Variants in CRTC3 observed in about 807,000 individuals in gnomAD.
CRTC3 encodes the protein CREB-regulated transcription coactivator 3.
In CRTC3, 26 loss-of-function variants were observed where a neutral mutation model predicts 74.5. That is an observed-to-expected ratio of 0.35 (90% CI 0.26 to 0.48). The LOEUF is 0.48. Among genes scored for constraint, CRTC3 ranks in the 20% least tolerant of loss-of-function variants. CRTC3 has a pLI of 0.99. For missense variants in CRTC3, 760 were observed against 787.3 expected (o/e 0.97, Z 0.41); for synonymous variants, 377 against 325.8 (o/e 1.16, Z -1.69).
intron 9 of CRTC3, among the ~76,000 whole-genome samples, chr15:90,620,810 C>T (rs1390919512): frequency 1.3e-5 from 2 of 152,198 alleles, no homozygotes; most frequent in Admixed American, 6.5e-5. Context: ...ATACAATCAC[C>T]AGTGGGTCAG....
intron 2 of CRTC3, among the ~76,000 whole-genome samples, chr15:90,556,958 C>CAA (rs1478638411): frequency 7.7e-6 from 1 of 130,556 alleles, no homozygotes; most frequent in Non-Finnish European, 1.6e-5. Flanking sequence ...CACCACATGG[C>CAA]TATATATATA....
intron 11 of CRTC3, among the ~76,000 whole-genome samples, chr15:90,631,917 T>TA (rs1453674190): frequency 6.6e-6 from 1 of 151,784 alleles, no homozygotes; most frequent in Non-Finnish European, 1.5e-5. Context: ...TATTTTTTTT[T>TA]AGAGACAGCG....
chr15:90,598,864 A>G (rs1267269420), intron 3 of CRTC3: 1 of 238,814 alleles, frequency 4.2e-6, no homozygotes. Context: ...GCTCTCTACC[A>G]GGAAGACGGG....
At chr15:90,612,889 G>A (rs118028041) in intron 6 of CRTC3, among the ~76,000 whole-genome samples, 251 of 152,154 alleles carry the variant, frequency 1.6e-3, no homozygotes, top group Non-Finnish European at 2.8e-3. Flanking sequence ...CTGCAATAGA[G>A]TCTCCTGAGA....
intron 2 of CRTC3, among the ~76,000 whole-genome samples, chr15:90,576,510 G>A (rs959043424): frequency 6.6e-6 from 1 of 152,026 alleles, no homozygotes; most frequent in African/African-American, 2.4e-5. Context: ...GGTCCAGTGG[G>A]CTGTTGAATG....
chr15:90,607,373 C>G lies in CRTC3; in HGVS notation c.477-5C>G. On this transcript the variant is annotated splice_polypyrimidine_tract_variant and splice_region_variant and intron_variant, in intron 5 of 14. Coordinates refer to ENST00000268184, the MANE Select transcript of CRTC3 (RefSeq NM_022769.5). Reference sequence around the variant, plus strand: ...TTCAGCCAGCCTCTCTCCTCCCCTCCTTAGGACCAATTCTGATTCTGCTCT... The same window carrying G: ...TTCAGCCAGCCTCTCTCCTCCCCTCGTTAGGACCAATTCTGATTCTGCTCT... 1 of 1,601,296 alleles carries G rather than the reference C, an allele frequency of 6.2e-7. No individual in the cohort carries two copies. The highest frequency in any genetic ancestry group is 8.5e-7 in the Non-Finnish European group (1 of 1,170,076).
intron 10 of CRTC3, among the ~76,000 whole-genome samples, chr15:90,627,322 T>C (rs12912853): frequency 6.6e-6 from 1 of 152,242 alleles, no homozygotes; most frequent in Non-Finnish European, 1.5e-5. Context: ...ATTTGCTTCA[T>C]AGGAGAAATT....
chr15:90,628,291 G>A (rs114980452), intron 10 of CRTC3, among the ~76,000 whole-genome samples: 2,325 of 152,036 alleles, frequency 0.015, 76 homozygotes, highest in African/African-American at 0.053. Flanking sequence ...CTTCCTTTTC[G>A]TAACTTTTAT....
At chr15:90,606,421 G>A (rs1464736727) in intron 5 of CRTC3, among the ~76,000 whole-genome samples, 8 of 152,122 alleles carry the variant, frequency 5.3e-5, no homozygotes, top group African/African-American at 1.9e-4. Context: ...AGTTAGCTGG[G>A]CATGGTGACG....
At chr15:90,617,836 T>A in intron 7 of CRTC3, 47 bp from the exon 8 acceptor site, 1 of 1,335,622 alleles carries the variant, frequency 7.5e-7, no homozygotes, top group Non-Finnish European at 1.1e-6. Context: ...CGGCCTGGAT[T>A]CCTGCCTTCT....
At chr15:90,563,917 A>G (rs1157537939) in intron 2 of CRTC3, among the ~76,000 whole-genome samples, 1 of 152,126 alleles carries the variant, frequency 6.6e-6, no homozygotes, top group Non-Finnish European at 1.5e-5. Flanking sequence ...AATTACTGCC[A>G]TTTATATTAG....
At chr15:90,558,886 G>A (rs1966953498) in intron 2 of CRTC3, among the ~76,000 whole-genome samples, 1 of 151,752 alleles carries the variant, frequency 6.6e-6, no homozygotes, top group South Asian at 2.1e-4. Flanking sequence ...TGAGTAGCTG[G>A]GACTACAGAC....
intron 11 of CRTC3, among the ~76,000 whole-genome samples, chr15:90,633,528 G>A (rs1040441192): frequency 6.6e-6 from 1 of 152,084 alleles, no homozygotes; most frequent in Non-Finnish European, 1.5e-5. Flanking sequence ...GAATCCCCCT[G>A]CTCCACCCCA....
intron 4 of CRTC3, among the ~76,000 whole-genome samples, chr15:90,603,370 G>A (rs1968134344): frequency 1.3e-5 from 2 of 151,638 alleles, no homozygotes; most frequent in Admixed American, 1.3e-4. Flanking sequence ...GTGAACCCAG[G>A]AGGCGGAGCT....
chr15:90,542,254 C>T (rs754168466), intron 2 of CRTC3, among the ~76,000 whole-genome samples: 1 of 150,966 alleles, frequency 6.6e-6, no homozygotes, highest in East Asian at 1.9e-4. Context: ...TCTCAGCTTA[C>T]TGCAACTTCC....
chr15:90,633,269 C>G (rs57128810), intron 11 of CRTC3, among the ~76,000 whole-genome samples: 1 of 152,158 alleles, frequency 6.6e-6, no homozygotes, highest in East Asian at 1.9e-4. Flanking sequence ...AATTCAGTCC[C>G]CAACTCTTGG....
intron 2 of CRTC3, among the ~76,000 whole-genome samples, chr15:90,578,065 G>A (rs889999833): frequency 5.9e-5 from 9 of 152,030 alleles, no homozygotes; most frequent in Middle Eastern, 3.2e-3. Context: ...ACAGGCGTGC[G>A]CCACCAGGTC....
At chr15:90,601,241 GC>G (rs1968060817) in intron 3 of CRTC3, among the ~76,000 whole-genome samples, 1 of 152,166 alleles carries the variant, frequency 6.6e-6, no homozygotes, top group Admixed American at 6.5e-5. Flanking sequence ...TCCAGAATAT[GC>G]TCCAAGGCAT....
Position 90,615,079 on chromosome 15 carries a change from TAAA to T in CRTC3, c.613+592_613+594del, listed in dbSNP as rs1194539884. Among the ~76,000 whole-genome samples, 613 of 152,110 alleles carry T rather than the reference TAAA, an allele frequency of 4.0e-3. 1 individual carries two copies. The highest frequency in any genetic ancestry group is 0.017 in the South Asian group (81 of 4,820). On this transcript the variant is annotated intron_variant, in intron 7 of 14. Coordinates refer to ENST00000268184, the MANE Select transcript of CRTC3 (RefSeq NM_022769.5). ...CTCCGTCTAAAAATAAATAAATAAA[TAAA>T]TAAATAAATTAATTAATTGATCACT...
Sources: gnomAD v4.1 joint callset for allele counts (sites outside exome capture counted in the v4.1 genomes callset) on GRCh38, gnomAD v4.1.1 for gene constraint, MANE v1.5 for transcripts, NCBI Gene and HGNC (gene_info 2026-07-23, HGNC 2026-07-21) for gene names.